Variants in GHR observed in about 807,000 individuals in gnomAD.
GHR encodes the protein growth hormone receptor.
GHR carries 35 observed loss-of-function variants against 67.1 expected under a neutral mutation model. That is an observed-to-expected ratio of 0.52 (90% confidence interval 0.40 to 0.69). GHR has a LOEUF of 0.69. Among genes scored for constraint, GHR ranks in the 30% least tolerant of loss-of-function variants. GHR has a pLI of 0.00. For synonymous variants in GHR, 272 were observed against 269.1 expected (o/e 1.01, Z -0.10); for missense variants, 792 against 764.6 (o/e 1.04, Z -0.42).
chr5:42,577,058 T>C (rs1750786117), intron 2 of GHR, among the ~76,000 whole-genome samples: 1 of 152,232 alleles, frequency 6.6e-6, no homozygotes, highest in Non-Finnish European at 1.5e-5. Flanking sequence ...TTAGGCCAAT[T>C]ACAATTATCT....
At position 42,571,858 on chromosome 5, in the gene GHR, A is replaced by T. The variant is rs139107566; in HGVS notation, c.70+5914A>T. Reference sequence around the variant, plus strand: ...TATGGGGTAGACAGGAATGAGGTTGACATAACGTATTTGGTGTTTGGTGAT... The same window carrying T: ...TATGGGGTAGACAGGAATGAGGTTGTCATAACGTATTTGGTGTTTGGTGAT... On this transcript the variant is annotated intron_variant, in intron 2 of 9. Transcript: ENST00000230882. 2.2e-4 allele frequency among the ~76,000 whole-genome samples: 33 copies of T among 152,302 alleles called. No individual in the cohort carries two copies. The East Asian group carries it at 5.8e-3, about 27-fold the overall frequency.
intron 1 of GHR, among the ~76,000 whole-genome samples, chr5:42,475,997 C>T (rs1168711099): frequency 8.6e-5 from 13 of 151,512 alleles, no homozygotes; most frequent in African/African-American, 3.2e-4. Context: ...CTCCGCCTCC[C>T]AGGCTCACGC....
rs573875049 is a variant in GHR at position 42,476,099 on chromosome 5, T to A, written c.-12+52144T>A. On this transcript the variant is annotated intron_variant, in intron 1 of 9. Coordinates refer to ENST00000230882, the MANE Select transcript of GHR (RefSeq NM_000163.5). ...TTTTGTATTTTTAATAGAGACGCGGTTTCACCGTGTTAGCCAGGATGGTCT... is the reference window on the plus strand; with the variant it reads ...TTTTGTATTTTTAATAGAGACGCGGATTCACCGTGTTAGCCAGGATGGTCT... Among the ~76,000 whole-genome samples the A allele has an allele frequency of 4.6e-5, 7 of 151,746 alleles. No individual in the cohort carries two copies. The South Asian group carries it at 1.5e-3, about 32-fold the overall frequency.
intron 1 of GHR, among the ~76,000 whole-genome samples, chr5:42,450,465 T>C (rs557587727): frequency 6.6e-6 from 1 of 152,314 alleles, no homozygotes; most frequent in South Asian, 2.1e-4. Flanking sequence ...TGATATCGGT[T>C]GCAATATCTC....
chr5:42,566,628 T>A (rs1749956016), intron 2 of GHR, among the ~76,000 whole-genome samples: 1 of 152,028 alleles, frequency 6.6e-6, no homozygotes, highest in African/African-American at 2.4e-5. Context: ...GAAGAGGAAC[T>A]TTTCTGTCAG....
At chr5:42,504,458 G>A (rs1293889890) in intron 1 of GHR, among the ~76,000 whole-genome samples, 1 of 152,082 alleles carries the variant, frequency 6.6e-6, no homozygotes, top group Non-Finnish European at 1.5e-5. Flanking sequence ...GCAGTATGTT[G>A]TTCTAAAGGT....
intron 1 of GHR, among the ~76,000 whole-genome samples, chr5:42,538,547 G>A (rs1748364758): frequency 1.3e-5 from 2 of 152,186 alleles, no homozygotes; most frequent in African/African-American, 4.8e-5. Context: ...GAAATCTGCT[G>A]CTAATCTGAT....
rs1368884249 is a variant in GHR at position 42,711,198 on chromosome 5, T to C, written c.619-9T>C. ...TTGGCCAATATGCGTTTATATTTTG[T>C]CTTGAAAGATGGACCCTATATTGAC... is the stretch of plus-strand genomic sequence containing the variant. On this transcript the variant is annotated splice_polypyrimidine_tract_variant and intron_variant, in intron 6 of 9. Transcript: ENST00000230882. The C allele has an allele frequency of 6.2e-7, 1 of 1,609,812 alleles. No individual in the cohort carries two copies. The highest frequency in any genetic ancestry group is 1.7e-5 in the Admixed American group (1 of 60,002).
intron 6 of GHR, among the ~76,000 whole-genome samples, chr5:42,709,706 A>G (rs1758356939): frequency 6.6e-6 from 1 of 152,200 alleles, no homozygotes; most frequent in Non-Finnish European, 1.5e-5. Context: ...CATAATTAAT[A>G]ATAGAAGAAG....
intron 1 of GHR, among the ~76,000 whole-genome samples, chr5:42,459,826 A>G (rs1561315652): frequency 6.6e-6 from 1 of 152,114 alleles, no homozygotes; most frequent in Non-Finnish European, 1.5e-5. Context: ...TCAAACTACT[A>G]CTACTCCACT....
At chr5:42,640,287 ACTG>A (rs1284244083) in intron 3 of GHR, among the ~76,000 whole-genome samples, 5 of 152,244 alleles carry the variant, frequency 3.3e-5, no homozygotes, top group Admixed American at 6.5e-5. Context: ...GACCTAACAT[ACTG>A]CTAATACCCC....
chr5:42,476,380 C>G (rs929462379), intron 1 of GHR, among the ~76,000 whole-genome samples: 4 of 151,878 alleles, frequency 2.6e-5, no homozygotes, highest in African/African-American at 9.7e-5. Flanking sequence ...CCACCATGCC[C>G]GGCTAAATTT....
chr5:42,689,008 C>T lies in GHR; in HGVS notation c.255C>T (p.Phe85=). Residue 85 remains phenylalanine, a synonymous_variant, in exon 4 of 10, where the codon TTC becomes TTT. Transcript: ENST00000230882. ...GTKNLGPIQL[F]YTRRNTQEWT... ...AGAACCTAGGACCCATACAGCTGTT[C>T]TATACCAGAAGGTGCCACCATCATG... 2 of 1,613,710 alleles carry T rather than the reference C, an allele frequency of 1.2e-6. No homozygotes were observed. Among genetic ancestry groups the T allele is most frequent in the Non-Finnish European group, 1.7e-6 (2 of 1,179,604 alleles).
At chr5:42,696,468 A>T (rs944904993) in intron 5 of GHR, among the ~76,000 whole-genome samples, 3 of 152,192 alleles carry the variant, frequency 2.0e-5, no homozygotes, top group Non-Finnish European at 4.4e-5. Context: ...TAAAAAAGTG[A>T]TGACCCACAG....
intron 1 of GHR, among the ~76,000 whole-genome samples, chr5:42,542,344 G>A (rs1271347422): frequency 1.3e-5 from 2 of 152,176 alleles, no homozygotes; most frequent in African/African-American, 2.4e-5. Context: ...GAAGTCATTG[G>A]TGACTAGAGC....
intron 1 of GHR, among the ~76,000 whole-genome samples, chr5:42,441,254 A>G (rs1466481423): frequency 6.6e-6 from 1 of 152,184 alleles, no homozygotes; most frequent in Non-Finnish European, 1.5e-5. Flanking sequence ...AGGAAAGAGA[A>G]TCATTTAAGG....
chr5:42,678,355 AT>A (rs1756671486), intron 3 of GHR, among the ~76,000 whole-genome samples: 1 of 152,214 alleles, frequency 6.6e-6, no homozygotes, highest in Non-Finnish European at 1.5e-5. Context: ...GAAATGAATT[AT>A]GTGTGAATCA....
intron 3 of GHR, among the ~76,000 whole-genome samples, chr5:42,641,763 T>A (rs1754487567): frequency 6.6e-6 from 1 of 152,214 alleles, no homozygotes; most frequent in South Asian, 2.1e-4. Flanking sequence ...TAATCTTGGT[T>A]AATCCATGAG....
At chr5:42,426,974 G>A (rs989035052) in intron 1 of GHR, among the ~76,000 whole-genome samples, 15 of 152,254 alleles carry the variant, frequency 9.9e-5, no homozygotes, top group African/African-American at 3.6e-4. Context: ...TTTCTAGAAA[G>A]TTCTTATACT....
Sources: allele counts gnomAD v4.1 joint callset (sites outside exome capture counted in the v4.1 genomes callset), GRCh38; gene constraint gnomAD v4.1.1; transcripts MANE v1.5; gene names NCBI Gene and HGNC (gene_info 2026-07-23, HGNC 2026-07-21).